Variants in CHST9 observed in about 807,000 individuals in gnomAD.
The protein encoded by CHST9 is GalNAc-4-sulfotransferase 2.
A neutral mutation model predicts 44.4 loss-of-function variants in CHST9; 41 were observed. The observed-to-expected ratio is 0.92, with a 90% CI of 0.72 to 1.20. The LOEUF is 1.20. CHST9 is among the 50% of genes most tolerant of loss of function. CHST9 has a pLI of 0.00. For missense variants in CHST9, 504 were observed against 516.5 expected (o/e 0.98, Z 0.23); for synonymous variants, 171 against 178.4 (o/e 0.96, Z 0.33).
At chr18:26,929,848 G>C (rs2055844585) in intron 5 of CHST9, among the ~76,000 whole-genome samples, 1 of 152,138 alleles carries the variant, frequency 6.6e-6, no homozygotes, top group African/African-American at 2.4e-5. Context: ...AGGTGAAGCT[G>C]GGGGCTATGA....
intron 2 of CHST9, among the ~76,000 whole-genome samples, chr18:27,073,959 T>C (rs2057871536): frequency 6.6e-6 from 1 of 152,156 alleles, no homozygotes; most frequent in Non-Finnish European, 1.5e-5. Flanking sequence ...TACAACTCTA[T>C]GAGGAGGTGC....
intron 5 of CHST9, among the ~76,000 whole-genome samples, chr18:26,917,641 A>G (rs960064991): frequency 3.9e-5 from 6 of 152,132 alleles, no homozygotes; most frequent in East Asian, 1.9e-4. Context: ...CTGAGCATCT[A>G]TGACTTTTGG....
At chr18:27,145,552 C>T (rs536745500) in intron 1 of CHST9, among the ~76,000 whole-genome samples, 149 of 152,292 alleles carry the variant, frequency 9.8e-4, no homozygotes, top group African/African-American at 3.5e-3. Context: ...TGTTTGTCAG[C>T]GCTACCTAAG....
At chr18:26,942,734 G>A (rs2056102306) in intron 5 of CHST9, among the ~76,000 whole-genome samples, 1 of 152,122 alleles carries the variant, frequency 6.6e-6, no homozygotes, top group African/African-American at 2.4e-5. Context: ...AATAAAAATA[G>A]CAGCAGTAAA....
intron 4 of CHST9, among the ~76,000 whole-genome samples, chr18:26,964,586 A>G (rs1314546861): frequency 6.6e-6 from 1 of 152,180 alleles, no homozygotes; most frequent in Non-Finnish European, 1.5e-5. Flanking sequence ...ATGCCTCTGT[A>G]TTTGCCCCCT....
intron 1 of CHST9, among the ~76,000 whole-genome samples, chr18:27,160,200 G>A (rs2058734544): frequency 6.6e-6 from 1 of 152,140 alleles, no homozygotes; most frequent in South Asian, 2.1e-4. Context: ...TTTTCACAGG[G>A]AATGCTTCCA....
At position 26,913,233 on chromosome 18, in the gene CHST9, C is replaced by T. The variant is rs2145036753; in HGVS notation, c.*3026G>A. 1 of 152,214 alleles carries T rather than the reference C, an allele frequency of 6.6e-6. No homozygotes were observed. 9.4% of individuals were successfully genotyped at this position (152,214 alleles called of 1,614,324 possible). On this transcript the variant is annotated 3_prime_UTR_variant, in exon 6 of 6. Transcript: ENST00000618847. ...TTTTCCTCTTTCTAATTAAAAATGA[C>T]ATACAAGTAGTTCTTGAATTAGAAC...
chr18:27,104,975 T>C (rs1218674559), intron 2 of CHST9, among the ~76,000 whole-genome samples: 1 of 152,174 alleles, frequency 6.6e-6, no homozygotes, highest in South Asian at 2.1e-4. Context: ...ACTTTAAGCA[T>C]AGGAACTGTT....
chr18:27,006,817 G>A (rs548066334), intron 4 of CHST9, among the ~76,000 whole-genome samples: 8 of 152,294 alleles, frequency 5.3e-5, no homozygotes, highest in East Asian at 3.9e-4. Context: ...CAGCAAAGCC[G>A]GGTCATTTGA....
intron 2 of CHST9, among the ~76,000 whole-genome samples, chr18:27,135,028 A>T (rs527460368): frequency 6.6e-6 from 1 of 152,284 alleles, no homozygotes; most frequent in Non-Finnish European, 1.5e-5. Context: ...AATTGCTAAG[A>T]GAGGAGATTT....
chr18:26,958,645 C>A (rs891064985), intron 4 of CHST9, among the ~76,000 whole-genome samples: 1 of 152,092 alleles, frequency 6.6e-6, no homozygotes, highest in African/African-American at 2.4e-5. Context: ...CAAAAACAAA[C>A]AACCTCATTA....
intron 5 of CHST9, among the ~76,000 whole-genome samples, chr18:26,938,078 C>T (rs1305404786): frequency 7.1e-6 from 1 of 140,314 alleles, no homozygotes; most frequent in East Asian, 2.5e-4. Flanking sequence ...GTGTTTATTC[C>T]AACCACTATT....
chr18:26,949,555 G>GA lies in CHST9; in HGVS notation c.203-5190dup, dbSNP rs960799364. 4.6e-5 allele frequency among the ~76,000 whole-genome samples: 7 copies of GA among 151,382 alleles called. No individual in the cohort carries two copies. The East Asian group carries it at 9.7e-4, about 21-fold the overall frequency. ...AAACAAAAAGATACAATGGGAGAAG[G>GA]AAAAAAAATGAAGAGGAAGTTAATA... On this transcript the variant is annotated intron_variant, in intron 4 of 5. Transcript: ENST00000618847.
Position 27,058,654 on chromosome 18 carries a change from A to G in CHST9, c.122-10151T>C, listed in dbSNP as rs1281679882. ...GCCACATGGAAAGAGAGCTGCCTGA[A>G]CAGTATGTGACCAGCTCCCAGGTGT... On this transcript the variant is annotated intron_variant, in intron 2 of 5. Coordinates refer to ENST00000618847, the MANE Select transcript of CHST9 (RefSeq NM_031422.6). Among the ~76,000 whole-genome samples the G allele has an allele frequency of 2.0e-5, 3 of 152,322 alleles. No individual in the cohort carries two copies. In the East Asian group the frequency reaches 5.8e-4, roughly 29 times the overall value.
intron 2 of CHST9, among the ~76,000 whole-genome samples, chr18:27,087,492 C>T (rs866339101): frequency 1.3e-5 from 2 of 152,100 alleles, no homozygotes; most frequent in Non-Finnish European, 2.9e-5. Flanking sequence ...TTTTTTCTCC[C>T]TAATATGTAC....
At chr18:27,172,255 A>G (rs1372429085) in intron 1 of CHST9, among the ~76,000 whole-genome samples, 1 of 152,134 alleles carries the variant, frequency 6.6e-6, no homozygotes, top group Non-Finnish European at 1.5e-5. Context: ...CTATAAATTC[A>G]AACAACTTTT....
chr18:27,053,363 C>T (rs2057612062), intron 2 of CHST9, among the ~76,000 whole-genome samples: 1 of 150,870 alleles, frequency 6.6e-6, no homozygotes, highest in Admixed American at 6.6e-5. Flanking sequence ...AATTATAGTC[C>T]CCTACAAAAC....
intron 4 of CHST9, among the ~76,000 whole-genome samples, chr18:26,954,353 G>A (rs2056293035): frequency 6.6e-6 from 1 of 152,146 alleles, no homozygotes; most frequent in Non-Finnish European, 1.5e-5. Flanking sequence ...AATGCATGCT[G>A]TCTAACCACA....
At position 26,977,087 on chromosome 18, in the gene CHST9, T is replaced by C. The variant is rs182593812; in HGVS notation, c.203-32721A>G. Among the ~76,000 whole-genome samples the C allele has an allele frequency of 5.3e-5, 8 of 152,318 alleles. No homozygotes were observed. In the East Asian group the frequency reaches 1.5e-3, roughly 29 times the overall value. On this transcript the variant is annotated intron_variant, in intron 4 of 5. Transcript: ENST00000618847. ...TGCAAAATTCATGGAGTCATTCTTA[T>C]GAGAAGTTCAGCATGCCTACTCTTT...
Sources: allele counts gnomAD v4.1 joint callset (sites outside exome capture counted in the v4.1 genomes callset), GRCh38; gene constraint gnomAD v4.1.1; transcripts MANE v1.5; gene names NCBI Gene and HGNC (gene_info 2026-07-23, HGNC 2026-07-21).